Variants in P3H3 observed in about 807,000 individuals in gnomAD.
P3H3 encodes the protein gene rich cluster, B.
Under a neutral mutation model 78.1 loss-of-function variants are expected in P3H3, and 64 were observed. That is an observed-to-expected ratio of 0.82 (90% CI 0.67 to 1.01). P3H3 has a LOEUF of 1.01. P3H3 is among the 50% of genes least tolerant of loss of function. The probability of loss-of-function intolerance (pLI) is 0.00; values close to 1 mark genes in which losing one functional copy is unlikely to be tolerated. For synonymous variants in P3H3, 425 were observed against 416.7 expected, an observed-to-expected ratio of 1.02 and a Z score of -0.24; for missense variants, 975 against 982.2, an observed-to-expected ratio of 0.99 and a Z score of 0.10.
At chr12:6,832,031 T>A (rs1591579804) in intron 6 of P3H3, 117 bp downstream of exon 6, 1 of 671,656 alleles carries the variant, frequency 1.5e-6, no homozygotes, top group East Asian at 2.8e-5. Flanking sequence ...GAGTCTGCCA[T>A]CCCAGTTTTA....
intron 6 of P3H3, among the ~76,000 whole-genome samples, chr12:6,832,632 C>T (rs1362338068): frequency 2.0e-5 from 3 of 151,890 alleles, no homozygotes; most frequent in African/African-American, 7.3e-5. Flanking sequence ...GACAGAGTCT[C>T]ACTCTGTCAC....
intron 13 of P3H3, 64 bp downstream of exon 13, chr12:6,838,097 C>G (rs1248174955): frequency 6.5e-7 from 1 of 1,550,040 alleles, no homozygotes; most frequent in Non-Finnish European, 8.7e-7. Flanking sequence ...GGATTCAAAA[C>G]AGAAGGCTCC....
Position 6,828,554 on chromosome 12 carries a change from CT to C in P3H3, c.116del (p.Leu39CysfsTer87). On this transcript the variant is annotated frameshift_variant, in exon 1 of 15. Coordinates refer to ENST00000290510, the MANE Select transcript of P3H3 (RefSeq NM_014262.5). LOFTEE classifies it high-confidence loss of function. ...SPGAPPQAPD[L>X]LYADGLRAYA... ...CGGGGGCGCCCCCGCAGGCCCCCGACTTGCTCTACGCTGACGGGCTGCGCGC... is the reference window on the plus strand; with the variant it reads ...CGGGGGCGCCCCCGCAGGCCCCCGACTGCTCTACGCTGACGGGCTGCGCGC... 7.9e-7 allele frequency: 1 copy of C among 1,271,674 alleles called. No homozygotes were observed. The highest frequency in any genetic ancestry group is 9.9e-7 in the Non-Finnish European group (1 of 1,009,212). The allele number at this position is 1,271,674 out of a possible 1,614,324, so 78.8% of individuals were successfully genotyped here.
In P3H3 at chr12:6,828,407, G is replaced by A; in HGVS notation, c.-34G>A. ...TTCCTCTCCCTCCCTCTCGGCTCCC[G>A]CATTTCCCCTCGGCTGCCGGCGGCT... On this transcript the variant is annotated 5_prime_UTR_variant, in exon 1 of 15. Transcript: ENST00000290510. 2 of 161,566 alleles carry A rather than the reference G, an allele frequency of 1.2e-5. No homozygotes were observed. Among genetic ancestry groups the A allele is most frequent in the Non-Finnish European group, 2.3e-5 (2 of 88,042 alleles). 10.0% of individuals were successfully genotyped at this position (161,566 alleles called of 1,614,324 possible).
At position 6,831,570 on chromosome 12, in the gene P3H3, A is replaced by G. The variant is rs1555121451; in HGVS notation, c.1122+218A>G. Among the ~76,000 whole-genome samples, 1 of 151,720 alleles carries G rather than the reference A, an allele frequency of 6.6e-6. No homozygotes were observed. Among genetic ancestry groups the G allele is most frequent in the African/African-American group, 2.4e-5 (1 of 41,238 alleles). ...CCTCAGCCCCGTCTCTCTTGCCTTT[A>G]CTTCACTCCTGCCTGCCACCAGCCC... On this transcript the variant is annotated intron_variant, in intron 5 of 14. Coordinates refer to ENST00000290510, the MANE Select transcript of P3H3 (RefSeq NM_014262.5). The surrounding 1 kb of genome is among the most constrained non-coding windows in gnomAD (Gnocchi z 4.6).
At position 6,839,812 on chromosome 12, in the gene P3H3, C is replaced by T. The variant is rs1051925641; in HGVS notation, c.*351C>T. On this transcript the variant is annotated 3_prime_UTR_variant, in exon 15 of 15. Transcript: ENST00000290510. The stretch of plus-strand genomic sequence containing the variant: ...GGGAGGTATAACCCTGCTCCTCTCT[C>T]CCAGTCTGTGCAATAAAGGTCGTGA... The T allele has an allele frequency of 8.0e-6, 2 of 249,700 alleles. No homozygotes were observed. The highest frequency in any genetic ancestry group is 9.4e-5 in the Admixed American group (2 of 21,204). 15.5% of individuals were successfully genotyped at this position (249,700 alleles called of 1,614,324 possible). A position where few individuals can be genotyped will look rare whatever the true frequency, so the allele number is the denominator to read the frequency against.
chr12:6,834,326 G>T (rs1555121864), intron 9 of P3H3, among the ~76,000 whole-genome samples: 1 of 152,250 alleles, frequency 6.6e-6, no homozygotes, highest in Non-Finnish European at 1.5e-5. Context: ...GGTAAGGATT[G>T]CTTGGTTAGC....
chr12:6,834,671 C>G (rs1220440117), intron 9 of P3H3, among the ~76,000 whole-genome samples: 1 of 152,184 alleles, frequency 6.6e-6, no homozygotes, highest in East Asian at 1.9e-4. Context: ...TATGGTGGCT[C>G]ATGCCTGTAA....
Position 6,839,332 on chromosome 12 carries a change from A to C in P3H3, c.2082A>C (p.Ser694=). ...AAGCCAAAGAACTGCTGCAGGAGTCACAGGAGGAGGAGGAAGAGGAAGAGG... is the reference window on the plus strand; with the variant it reads ...AAGCCAAAGAACTGCTGCAGGAGTCCCAGGAGGAGGAGGAAGAGGAAGAGG... The part of the protein sequence containing the change: ...WIEAKELLQE[S]QEEEEEEEEE... Residue 694 remains serine (S), a synonymous_variant, in exon 15 of 15, where the codon TCA becomes TCC. Coordinates refer to ENST00000290510, the MANE Select transcript of P3H3 (RefSeq NM_014262.5). The C allele has an allele frequency of 1.3e-6, 2 of 1,553,820 alleles. No homozygotes were observed. Among genetic ancestry groups the C allele is most frequent in the Non-Finnish European group, 1.7e-6 (2 of 1,148,152 alleles).
chr12:6,837,126 C>A (rs1226544548), intron 10 of P3H3, 40 bp downstream of exon 10: 4 of 1,528,054 alleles, frequency 2.6e-6, no homozygotes, highest in Admixed American at 1.7e-5. Context: ...GATGCCCAGA[C>A]CTGGAGGAGA....
chr12:6,836,703 C>A (rs1366420337), intron 9 of P3H3, among the ~76,000 whole-genome samples: 1 of 152,216 alleles, frequency 6.6e-6, no homozygotes, highest in East Asian at 1.9e-4. Flanking sequence ...TGTCCCTACC[C>A]TCTCAGAGGC....
rs782385696 is a variant in P3H3, at chr12:6,839,351, G to A, written c.2101G>A (p.Glu701Lys). The change falls in exon 15 of 15, where the codon GAA becomes AAA. Residue 701 changes from glutamate (E) to lysine (K), a missense_variant. Physicochemically the swap from Glu to Lys is moderately conservative, Grantham distance 56. Coordinates refer to ENST00000290510, the MANE Select transcript of P3H3 (RefSeq NM_014262.5). ...GGAGTCACAGGAGGAGGAGGAAGAG[G>A]AAGAGGAAGAAATGCCCAGCAAAGA... ...LQESQEEEEEEEEEMPSKDPS... is the reference protein window; with the variant it reads ...LQESQEEEEEKEEEMPSKDPS... The A allele has an allele frequency of 1.0e-4, 160 of 1,553,842 alleles. No individual in the cohort carries two copies. The South Asian group carries it at 1.8e-3, about 17-fold the overall frequency.
In P3H3 at chr12:6,829,280, G is replaced by GGT. The variant is rs111776645; in HGVS notation, c.498+355_498+356dup. 7.5e-4 allele frequency: 214 copies of GGT among 285,734 alleles called. No individual in the cohort carries two copies. The highest frequency in any genetic ancestry group is 4.9e-3 in the Middle Eastern group (5 of 1,030). 17.7% of individuals were successfully genotyped at this position (285,734 alleles called of 1,614,324 possible). ...GGCTCTCGGACGGGAAGTGTGCGTGGGTGTGTGTGTGTGTCGGGGGTGGTG... is the reference window on the plus strand; with the variant it reads ...GGCTCTCGGACGGGAAGTGTGCGTGGGTGTGTGTGTGTGTGTCGGGGGTGGTG... On this transcript the variant is annotated intron_variant, in intron 1 of 14. Coordinates refer to ENST00000290510, the MANE Select transcript of P3H3 (RefSeq NM_014262.5). This position sits in a 1 kb window ranked among gnomAD's most constrained non-coding sequence, Gnocchi z 5.1.
In P3H3 at chr12:6,837,440, A is replaced by G; in HGVS notation, c.1578A>G (p.Thr526=). The part of the protein sequence containing the change: ...LKAAQLARAG[T]VGSQGAKLLL... ...GCCTGCAGCTGGCCCGGGCTGGGAC[A>G]GTGGGCAGTCAGGGTGCTAAGCTGC... The change falls in exon 11 of 15, where the codon ACA becomes ACG. Residue 526 remains threonine (T), a synonymous_variant. Coordinates refer to ENST00000290510, the MANE Select transcript of P3H3 (RefSeq NM_014262.5). 2 of 1,611,244 alleles carry G rather than the reference A, an allele frequency of 1.2e-6. No homozygotes were observed. The highest frequency in any genetic ancestry group is 1.7e-6 in the Non-Finnish European group (2 of 1,178,888).
Position 6,833,627 on chromosome 12 carries a change from A to AC in P3H3, c.1249dup (p.Leu417ProfsTer2), listed in dbSNP as rs1555121711. The AC allele has an allele frequency of 2.5e-6, 4 of 1,613,890 alleles. 1 individual carries two copies. In the Admixed American group the frequency reaches 6.7e-5, roughly 27 times the overall value. On this transcript the variant is annotated frameshift_variant, in exon 7 of 15. Transcript: ENST00000290510. LOFTEE classifies it high-confidence loss of function. Reference sequence around the variant, plus strand: ...CCCCTGCAGCTCTCATCCCTGAGGCACTTAGAGAAAAGCTCAGGTAGGATA... The same window carrying AC: ...CCCCTGCAGCTCTCATCCCTGAGGCACCTTAGAGAAAAGCTCAGGTAGGATA...
chr12:6,837,400 GC>G, intron 10 of P3H3, 22 bp from the exon 11 acceptor site: 4 of 1,599,832 alleles, frequency 2.5e-6, no homozygotes, highest in Non-Finnish European at 2.6e-6. Context: ...CTCCTTTTCT[GC>G]CCTGCCTTTC....
chr12:6,830,223 C>T (rs1171348458), intron 2 of P3H3, 130 bp from the exon 3 acceptor site: 9 of 1,049,914 alleles, frequency 8.6e-6, no homozygotes, highest in Non-Finnish European at 1.3e-5. Context: ...GAGGCCCACC[C>T]TTATTCTTCT....
In P3H3 at chr12:6,836,996, G is replaced by C. The variant is rs781960023; in HGVS notation, c.1470G>C (p.Gly490=). 2 of 1,611,118 alleles carry C rather than the reference G, an allele frequency of 1.2e-6. No individual in the cohort carries two copies. Among genetic ancestry groups the C allele is most frequent in the Admixed American group, 1.7e-5 (1 of 60,014 alleles). Residue 490 remains glycine, a synonymous_variant, in exon 10 of 15, where the codon GGG becomes GGC. Coordinates refer to ENST00000290510, the MANE Select transcript of P3H3 (RefSeq NM_014262.5). ...TCCTTCCTATTTAGGATGCAGCTGG[G>C]GCTGGAGCCAGGTCTGGCTATCGTG... is the stretch of plus-strand genomic sequence containing the variant. ...VLLQLAKDAA[G]AGARSGYRGR... is the part of the protein sequence containing the mutation.
Position 6,839,359 on chromosome 12 carries a change from A to G in P3H3, c.2109A>G (p.Glu703=). 1 of 1,553,796 alleles carries G rather than the reference A, an allele frequency of 6.4e-7. No homozygotes were observed. The highest frequency in any genetic ancestry group is 1.2e-5 in the South Asian group (1 of 84,212). Residue 703 remains glutamate (E), a synonymous_variant, in exon 15 of 15, where the codon GAA becomes GAG. Transcript: ENST00000290510. ...ESQEEEEEEE[E]EMPSKDPSPE... ...AGGAGGAGGAGGAAGAGGAAGAGGA[A>G]GAAATGCCCAGCAAAGACCCTTCCC...
Sources: gnomAD v4.1 joint callset for allele counts (sites outside exome capture counted in the v4.1 genomes callset) on GRCh38, gnomAD v4.1.1 for gene constraint, Gnocchi (gnomAD v3.1) non-coding constraint, MANE v1.5 for transcripts, NCBI Gene and HGNC (gene_info 2026-07-23, HGNC 2026-07-21) for gene names.